THAP3: variants seen among roughly 807,000 people sequenced by gnomAD.
THAP3 encodes THAP domain-containing protein 3.
Under a neutral mutation model 17.7 loss-of-function variants are expected in THAP3, and 12 were observed. That is an observed-to-expected ratio of 0.68 (90% confidence interval 0.43 to 1.10). The LOEUF (loss-of-function observed/expected upper bound fraction) is 1.10, where lower values mean the gene tolerates loss of function less well. THAP3 is among the 50% of genes least tolerant of loss of function. The pLI, the probability that THAP3 is intolerant of heterozygous loss-of-function variation, is 0.00. For missense variants in THAP3, 289 were observed against 318.0 expected (o/e 0.91, Z 0.69); for synonymous variants, 133 against 126.9 (o/e 1.05, Z -0.32).
downstream of THAP3, chr1:6,634,750 G>A (rs559976716): frequency 2.8e-4 from 371 of 1,346,510 alleles, 4 homozygotes; most frequent in South Asian, 3.6e-3. Context: ...CTGTGAGGAC[G>A]CTGGACCTGC....
downstream of THAP3, chr1:6,635,550 G>T: frequency 9.3e-7 from 1 of 1,072,198 alleles, no homozygotes; most frequent in Non-Finnish European, 1.4e-6. Context: ...ATTGATAATG[G>T]TACCACCTTC....
At chr1:6,634,894 G>A (rs548404685), downstream of THAP3, 2 of 1,191,028 alleles carry the variant, frequency 1.7e-6, no homozygotes, top group South Asian at 3.0e-5. Context: ...GCCCAGCACT[G>A]CACTCTGGAG....
At chr1:6,634,927 G>A, downstream of THAP3, 1 of 1,143,474 alleles carries the variant, frequency 8.7e-7, no homozygotes, top group Non-Finnish European at 1.1e-6. Context: ...GGCGGTGGAG[G>A]GACACAGGCC....
Position 6,628,517 on chromosome 1 carries a change from G to A in THAP3, c.93G>A (p.Pro31=), listed in dbSNP as rs1210314972. The A allele has an allele frequency of 8.1e-6, 13 of 1,613,044 alleles. No individual in the cohort carries two copies. The highest frequency in any genetic ancestry group is 1.3e-5 in the African/African-American group (1 of 75,028). The change falls in exon 3 of 6, where the codon CCG becomes CCA. Residue 31 remains proline (P), a synonymous_variant. Coordinates refer to ENST00000054650, the MANE Select transcript of THAP3 (RefSeq NM_001195753.2). The stretch of plus-strand genomic sequence containing the variant: ...CCCTTAGGTTTCCGTTCAGCCGCCC[G>A]GAGCTGCTGAAGGAATGGGTGCTGA... ...LTFHRFPFSR[P]ELLKEWVLNI...
intron 2 of THAP3, among the ~76,000 whole-genome samples, chr1:6,625,712 G>A (rs1479850958): frequency 4.6e-5 from 7 of 151,312 alleles, no homozygotes; most frequent in Non-Finnish European, 1.0e-4. Flanking sequence ...GTCGCGGGAG[G>A]ACGCTGGAGA....
At chr1:6,625,007 G>GGGCCCGGAGCACCCCTTT in intron 1 of THAP3, 53 bp downstream of exon 1, 1 of 556,658 alleles carries the variant, frequency 1.8e-6, no homozygotes, top group South Asian at 2.1e-5. Flanking sequence ...GCCTGAATTG[G>GGGCCCGGAGCACCCCTTT]GGCCCGGAGC....
In THAP3 at chr1:6,632,819, A is replaced by C. The variant is rs1553125529; in HGVS notation, c.462A>C (p.Ala154=). 1.2e-6 allele frequency: 2 copies of C among 1,612,956 alleles called. No homozygotes were observed. The highest frequency in any genetic ancestry group is 2.2e-5 in the South Asian group (2 of 91,086). Residue 154 remains alanine, a synonymous_variant, in exon 6 of 6, where the codon GCA becomes GCC. Transcript: ENST00000054650. ...VKQVSPRRPQ[A]TEAVGRPTGP... is the part of the protein sequence containing the mutation. ...AGGTCTCGCCACGGAGGCCGCAAGC[A>C]ACAGAGGCTGTTGGCCGGCCGACTG...
chr1:6,634,546 G>A (rs370946581), downstream of THAP3: 20 of 1,364,212 alleles, frequency 1.5e-5, no homozygotes, highest in East Asian at 4.6e-5. Flanking sequence ...CCTGTGCGGC[G>A]CTTGCTCCGA....
downstream of THAP3, chr1:6,634,802 C>T: frequency 7.7e-7 from 1 of 1,290,474 alleles, no homozygotes. Flanking sequence ...GTACCACGGG[C>T]CGGGCCTGGG....
At chr1:6,634,430 C>T (rs531613111), downstream of THAP3, 352 of 1,265,762 alleles carry the variant, frequency 2.8e-4, no homozygotes, top group African/African-American at 4.5e-3. Context: ...TTAGCCGTTA[C>T]TCAGATACCA....
At chr1:6,633,993 C>T (rs185043351), downstream of THAP3, 526 of 1,605,786 alleles carry the variant, frequency 3.3e-4, 1 homozygote, top group African/African-American at 6.4e-3. Flanking sequence ...GCCTGATTTC[C>T]TAACTTGGGG....
intron 3 of THAP3, among the ~76,000 whole-genome samples, chr1:6,629,232 C>T (rs924950218): frequency 6.6e-6 from 1 of 152,162 alleles, no homozygotes; most frequent in Admixed American, 6.5e-5. Flanking sequence ...GCCTTGAGAT[C>T]GCATGATAGG....
At position 6,633,175 on chromosome 1, in the gene THAP3, G is replaced by A. The variant is rs1316129526; in HGVS notation, c.*98G>A. 6.8e-7 allele frequency: 1 copy of A among 1,479,430 alleles called. No individual in the cohort carries two copies. Among genetic ancestry groups the A allele is most frequent in the East Asian group, 2.5e-5 (1 of 40,380 alleles). 91.6% of individuals were successfully genotyped at this position (1,479,430 alleles called of 1,614,324 possible). A position where few individuals can be genotyped will look rare whatever the true frequency, so the allele number is the denominator to read the frequency against. On this transcript the variant is annotated 3_prime_UTR_variant, in exon 6 of 6. Coordinates refer to ENST00000054650, the MANE Select transcript of THAP3 (RefSeq NM_001195753.2). ...CATTTTTGTCTGCTGTGGACACTGA[G>A]AAAGTTGGCCATGAGGCCTGCTTGG...
At chr1:6,630,435 C>A in intron 4 of THAP3, 82 bp downstream of exon 4, 1 of 1,443,116 alleles carries the variant, frequency 6.9e-7, no homozygotes, top group Non-Finnish European at 9.7e-7. Context: ...CCAGCAAGGC[C>A]GGCCCGCAGG....
chr1:6,632,747 G>A (rs760641173), intron 5 of THAP3, 49 bp from the exon 6 acceptor site: 72 of 1,605,950 alleles, frequency 4.5e-5, no homozygotes, highest in Non-Finnish European at 5.7e-5. Flanking sequence ...ACCATGGCCC[G>A]CCTTCCTGCT....
chr1:6,634,504 G>A (rs762339154), downstream of THAP3: 1 of 1,349,218 alleles, frequency 7.4e-7, no homozygotes, highest in Admixed American at 2.0e-5. Flanking sequence ...GGCGCAGCTT[G>A]GGGCCCCCCG....
At chr1:6,626,344 ACCCC>A (rs1641469455) in intron 2 of THAP3, among the ~76,000 whole-genome samples, 1 of 151,678 alleles carries the variant, frequency 6.6e-6, no homozygotes, top group Non-Finnish European at 1.5e-5. Flanking sequence ...CCCGAGAAGA[ACCCC>A]TACCTGGACC....
downstream of THAP3, chr1:6,634,356 T>TG (rs1344144495): frequency 1.4e-5 from 15 of 1,097,064 alleles, no homozygotes; most frequent in South Asian, 3.3e-5. Context: ...TTTTAAAAAA[T>TG]GGAGATGAAT....
chr1:6,625,039 G>T, intron 1 of THAP3, 85 bp downstream of exon 1: 2 of 632,924 alleles, frequency 3.2e-6, no homozygotes, highest in Non-Finnish European at 5.2e-6. Flanking sequence ...TGGCGCCCCG[G>T]GTCCCGTCCG....
Sources: allele counts gnomAD v4.1 joint callset (sites outside exome capture counted in the v4.1 genomes callset), GRCh38; gene constraint gnomAD v4.1.1; transcripts MANE v1.5; gene names NCBI Gene and HGNC (gene_info 2026-07-23, HGNC 2026-07-21).